The following ADAMTSL1 variants were observed in gnomAD, a reference collection of about 807,000 sequenced individuals.
ADAMTSL1 encodes the protein ADAMTS-like protein 1.
A neutral mutation model predicts 201.8 loss-of-function variants in ADAMTSL1; 126 were observed. The observed-to-expected ratio is 0.62, with a 90% CI of 0.54 to 0.72. The LOEUF (loss-of-function observed/expected upper bound fraction) is 0.72, where lower values mean the gene tolerates loss of function less well. Among genes scored for constraint, ADAMTSL1 ranks in the 30% least tolerant of loss-of-function variants. ADAMTSL1 has a pLI of 0.00. For missense variants in ADAMTSL1, 2,679 were observed against 2,277.8 expected (o/e 1.18, Z -3.59); for synonymous variants, 1,121 against 903.4 (o/e 1.24, Z -4.32).
chr9:18,552,423 A>G (rs1287691286), intron 3 of ADAMTSL1, among the ~76,000 whole-genome samples: 4 of 151,720 alleles, frequency 2.6e-5, no homozygotes, highest in Non-Finnish European at 2.9e-5. Context: ...TTGCATTATG[A>G]TTTTTCCAAA....
intron 1 of ADAMTSL1, among the ~76,000 whole-genome samples, chr9:17,981,000 G>A (rs547841983): frequency 1.3e-5 from 2 of 152,252 alleles, no homozygotes; most frequent in East Asian, 1.9e-4. Context: ...ATTAGTGGAG[G>A]GAGAACTCAC....
At chr9:18,178,225 G>A (rs1351779406) in intron 2 of ADAMTSL1, among the ~76,000 whole-genome samples, 1 of 152,192 alleles carries the variant, frequency 6.6e-6, no homozygotes, top group African/African-American at 2.4e-5. Context: ...AAGCACAAGG[G>A]GTCAGGGAGT....
chr9:18,084,140 G>T (rs914951916), intron 1 of ADAMTSL1, among the ~76,000 whole-genome samples: 12 of 152,126 alleles, frequency 7.9e-5, no homozygotes, highest in African/African-American at 2.9e-4. Context: ...TTTTGCCTTA[G>T]CTAAAACCCA....
chr9:18,553,108 T>TA (rs578077940), intron 3 of ADAMTSL1, among the ~76,000 whole-genome samples: 1 of 151,544 alleles, frequency 6.6e-6, no homozygotes, highest in Non-Finnish European at 1.5e-5. Context: ...TGATTACTGA[T>TA]AAAATTAGAC....
At chr9:18,460,292 C>T (rs961798650) in intron 2 of ADAMTSL1, among the ~76,000 whole-genome samples, 1 of 152,120 alleles carries the variant, frequency 6.6e-6, no homozygotes, top group Non-Finnish European at 1.5e-5. Context: ...TAAATCTTGT[C>T]AAGATTTTCG....
chr9:18,301,410 A>G (rs1309020591), intron 2 of ADAMTSL1, among the ~76,000 whole-genome samples: 1 of 152,196 alleles, frequency 6.6e-6, no homozygotes, highest in Non-Finnish European at 1.5e-5. Flanking sequence ...GATCTGTTCC[A>G]TGACCCCCAG....
At chr9:18,409,463 C>A (rs1483750937) in intron 2 of ADAMTSL1, among the ~76,000 whole-genome samples, 2 of 150,928 alleles carry the variant, frequency 1.3e-5, no homozygotes, top group Non-Finnish European at 3.0e-5. Flanking sequence ...ACCTAAGATC[C>A]CACAACCTAA....
At chr9:18,326,244 A>G (rs945246077) in intron 2 of ADAMTSL1, among the ~76,000 whole-genome samples, 2 of 152,340 alleles carry the variant, frequency 1.3e-5, no homozygotes, top group Admixed American at 1.3e-4. Flanking sequence ...TATCTATAGT[A>G]ATTGGAATCA....
rs1358406404 is a variant in ADAMTSL1 at position 18,706,830 on chromosome 9, T to C, written c.1658T>C (p.Leu553Pro). Residue 553 changes from leucine to proline, a missense_variant, in exon 14 of 29, where the codon CTG becomes CCG. Leu to Pro is a moderately conservative substitution (Grantham distance 98, BLOSUM62 -3). Transcript: ENST00000380548. ...CGAATAGTCAGGTGCCAGGTGCTCC[T>C]GTCTTTCTCTCAGTCCGTGGCTGAC... Reference protein sequence around the residue: ...QVRIVRCQVLLSFSQSVADLP... With the variant: ...QVRIVRCQVLPSFSQSVADLP... 6.2e-7 allele frequency: 1 copy of C among 1,612,022 alleles called. No homozygotes were observed.
At chr9:18,147,216 A>G (rs944899735) in intron 1 of ADAMTSL1, among the ~76,000 whole-genome samples, 2 of 152,166 alleles carry the variant, frequency 1.3e-5, no homozygotes, top group Non-Finnish European at 2.9e-5. Context: ...CTGATTTGTG[A>G]GGATTTGATT....
chr9:18,726,962 C>T (rs980896760), intron 15 of ADAMTSL1, among the ~76,000 whole-genome samples: 5 of 152,114 alleles, frequency 3.3e-5, no homozygotes, highest in Non-Finnish European at 5.9e-5. Flanking sequence ...GAGCTATAAA[C>T]GAAGCTTGAG....
chr9:18,375,825 A>C (rs1006061920), intron 2 of ADAMTSL1, among the ~76,000 whole-genome samples: 3 of 152,042 alleles, frequency 2.0e-5, no homozygotes. Flanking sequence ...CGATTGGCCC[A>C]TTTTACAGAG....
chr9:18,132,914 C>T lies in ADAMTSL1; in HGVS notation c.88-30948C>T, dbSNP rs573344906. ...GAGATTCATCTTGTTCAAGAATTTG[C>T]CAAGGATTACGGAGATAGCGTTCAG... On this transcript the variant is annotated intron_variant, in intron 1 of 29. Transcript: ENST00000680146. Among the ~76,000 whole-genome samples, 4 of 152,174 alleles carry T rather than the reference C, an allele frequency of 2.6e-5. No individual in the cohort carries two copies. In the South Asian group the frequency reaches 8.3e-4, roughly 32 times the overall value.
In ADAMTSL1 at chr9:18,461,862, C is replaced by T. The variant is rs545383936; in HGVS notation, c.208-42967C>T. Among the ~76,000 whole-genome samples, 3 of 152,182 alleles carry T rather than the reference C, an allele frequency of 2.0e-5. No individual in the cohort carries two copies. The East Asian group carries it at 5.8e-4, about 29-fold the overall frequency. The stretch of plus-strand genomic sequence containing the variant: ...TGACATACATGGGGGAGATTGGTTC[C>T]AGGACACGCCCCCTCCACTCCCCCA... On this transcript the variant is annotated intron_variant, in intron 2 of 29. Coordinates refer to the ADAMTSL1 transcript ENST00000680146.
At chr9:17,996,164 A>G (rs1211143256) in intron 1 of ADAMTSL1, among the ~76,000 whole-genome samples, 1 of 126,606 alleles carries the variant, frequency 7.9e-6, no homozygotes, top group Non-Finnish European at 1.7e-5. Flanking sequence ...GAGTGTTTTT[A>G]ATTTTTTTTT....
chr9:18,708,298 T>G (rs1832346204), intron 14 of ADAMTSL1, among the ~76,000 whole-genome samples: 1 of 152,236 alleles, frequency 6.6e-6, no homozygotes, highest in Admixed American at 6.5e-5. Flanking sequence ...AGCAGGTCTT[T>G]TAGTAAGCAT....
intron 3 of ADAMTSL1, among the ~76,000 whole-genome samples, chr9:18,536,136 CA>C (rs553392594): frequency 6.6e-5 from 10 of 151,936 alleles, no homozygotes; most frequent in East Asian, 1.9e-4. Context: ...AAAAAACACA[CA>C]AAAAAAATTT....
chr9:18,908,485 G>C lies in ADAMTSL1; in HGVS notation c.5226G>C (p.Gln1742His), dbSNP rs1266325972. Reference sequence around the variant, plus strand: ...CCAGGTACTGCGAGAAGGTGAAACAGCTGAAACTCTGCCAACTCAGCCAGT... The same window carrying C: ...CCAGGTACTGCGAGAAGGTGAAACACCTGAAACTCTGCCAACTCAGCCAGT... ...DTTRYCEKVK[Q>H]LKLCQLSQFK... Residue 1742 changes from glutamine (Q) to histidine (H), a missense_variant, in exon 29 of 29, where the codon CAG (glutamine) becomes CAC (histidine). Gln to His is a conservative substitution (Grantham distance 24). Transcript: ENST00000380548. The C allele has an allele frequency of 6.4e-7, 1 of 1,564,960 alleles. No individual in the cohort carries two copies. The highest frequency in any genetic ancestry group is 1.2e-5 in the South Asian group (1 of 84,622).
At chr9:18,745,631 G>C (rs921711307) in intron 15 of ADAMTSL1, among the ~76,000 whole-genome samples, 2 of 152,164 alleles carry the variant, frequency 1.3e-5, no homozygotes, top group Admixed American at 1.3e-4. Context: ...AGGCCTTTCA[G>C]AGAGAACTAG....
Sources: gnomAD v4.1 joint callset for allele counts (sites outside exome capture counted in the v4.1 genomes callset) on GRCh38, gnomAD v4.1.1 for gene constraint, MANE v1.5 for transcripts, NCBI Gene and HGNC (gene_info 2026-07-23, HGNC 2026-07-21) for gene names.